DSCAM: variants seen among roughly 807,000 people sequenced by gnomAD.
DSCAM encodes the protein cell adhesion molecule DSCAM.
In DSCAM, 47 loss-of-function variants were observed where a neutral mutation model predicts 217.7. That is an observed-to-expected ratio of 0.22 (90% CI 0.17 to 0.28). The LOEUF is 0.28. Among genes scored for constraint, DSCAM ranks in the 10% least tolerant of loss-of-function variants. The probability of loss-of-function intolerance (pLI) is 1.00; values close to 1 mark genes in which losing one functional copy is unlikely to be tolerated. For missense variants in DSCAM, 2,080 were observed against 2,618.3 expected (o/e 0.79, Z 4.49); for synonymous variants, 1,056 against 1,015.3 (o/e 1.04, Z -0.76).
chr21:40,603,612 A>C (rs1296085132), intron 3 of DSCAM, among the ~76,000 whole-genome samples: 1 of 152,200 alleles, frequency 6.6e-6, no homozygotes, highest in Non-Finnish European at 1.5e-5. Flanking sequence ...TACTGGTAAC[A>C]AATTCCCTCA....
intron 19 of DSCAM, among the ~76,000 whole-genome samples, chr21:40,131,751 C>G (rs2090156578): frequency 6.6e-6 from 1 of 152,198 alleles, no homozygotes; most frequent in South Asian, 2.1e-4. Flanking sequence ...TCCCATACCA[C>G]CAGCAAAAGT....
intron 3 of DSCAM, among the ~76,000 whole-genome samples, chr21:40,578,725 T>C (rs1240358335): frequency 2.0e-5 from 3 of 152,156 alleles, no homozygotes; most frequent in African/African-American, 4.8e-5. Context: ...GCGGCTTCAC[T>C]CCTGAAGTCA....
chr21:40,818,102 CAAAAAAAAA>C (rs35894315), intron 1 of DSCAM, among the ~76,000 whole-genome samples: 1 of 52,246 alleles, frequency 1.9e-5, no homozygotes, highest in Admixed American at 2.8e-4. Context: ...GACTCCGTCT[CAAAAAAAAA>C]AAAAAAAAAA....
chr21:40,789,657 G>A (rs1280706786), intron 1 of DSCAM, among the ~76,000 whole-genome samples: 1 of 150,252 alleles, frequency 6.7e-6, no homozygotes, highest in Non-Finnish European at 1.5e-5. Flanking sequence ...CCGGGTTCAC[G>A]CCATTCTCCT....
intron 3 of DSCAM, among the ~76,000 whole-genome samples, chr21:40,633,747 G>A (rs1238433015): frequency 6.6e-6 from 1 of 152,188 alleles, no homozygotes; most frequent in Non-Finnish European, 1.5e-5. Flanking sequence ...GGGGATGCAT[G>A]GAGTCAAAAC....
chr21:40,356,034 T>A (rs1040960555), intron 4 of DSCAM, among the ~76,000 whole-genome samples: 2 of 152,210 alleles, frequency 1.3e-5, no homozygotes, highest in Admixed American at 6.5e-5. Flanking sequence ...TATGCATGTG[T>A]GTATATGTAT....
intron 3 of DSCAM, among the ~76,000 whole-genome samples, chr21:40,623,492 AC>A (rs1470083027): frequency 6.6e-6 from 1 of 152,256 alleles, no homozygotes; most frequent in Non-Finnish European, 1.5e-5. Flanking sequence ...CCTGGCAGCT[AC>A]ATGCTACTGA....
intron 3 of DSCAM, among the ~76,000 whole-genome samples, chr21:40,370,095 G>A (rs186594693): frequency 6.6e-6 from 1 of 152,192 alleles, no homozygotes; most frequent in East Asian, 1.9e-4. Context: ...GGGCAAAAAT[G>A]TTTTTTTCCC....
intron 11 of DSCAM, among the ~76,000 whole-genome samples, chr21:40,238,160 G>T (rs529727645): frequency 2.5e-4 from 38 of 152,268 alleles, no homozygotes; most frequent in Middle Eastern, 3.4e-3. Flanking sequence ...ATACTCCAAA[G>T]AATCAACTGG....
At chr21:40,683,894 C>A (rs764505987) in intron 3 of DSCAM, among the ~76,000 whole-genome samples, 4 of 151,936 alleles carry the variant, frequency 2.6e-5, no homozygotes, top group Admixed American at 6.5e-5. Flanking sequence ...CAGACGCGGG[C>A]GCAAAAACAC....
At chr21:40,479,180 G>T (rs1165620893) in intron 3 of DSCAM, among the ~76,000 whole-genome samples, 1 of 152,162 alleles carries the variant, frequency 6.6e-6, no homozygotes, top group Non-Finnish European at 1.5e-5. Flanking sequence ...AATTAAATGT[G>T]ATGAAGCCAG....
chr21:40,670,100 C>G (rs1337389153), intron 3 of DSCAM, among the ~76,000 whole-genome samples: 1 of 152,098 alleles, frequency 6.6e-6, no homozygotes, highest in Non-Finnish European at 1.5e-5. Flanking sequence ...TCTTTACTTA[C>G]AAATAAAATC....
chr21:40,519,877 T>C (rs992943921), intron 3 of DSCAM, among the ~76,000 whole-genome samples: 1 of 152,020 alleles, frequency 6.6e-6, no homozygotes, highest in African/African-American at 2.4e-5. Flanking sequence ...TGTGTGTGTG[T>C]GTCCATACAC....
intron 2 of DSCAM, among the ~76,000 whole-genome samples, chr21:40,706,427 ACCTT>A (rs377726188): frequency 1.4e-4 from 21 of 152,172 alleles, no homozygotes; most frequent in African/African-American, 4.3e-4. Flanking sequence ...TGATGAGTAA[ACCTT>A]CCTTCAATTG....
chr21:40,270,714 G>A (rs1264132857), intron 11 of DSCAM, among the ~76,000 whole-genome samples: 2 of 152,070 alleles, frequency 1.3e-5, no homozygotes, highest in East Asian at 1.9e-4. Context: ...AACATGTGGG[G>A]TTAATTCAAG....
At position 40,826,789 on chromosome 21, in the gene DSCAM, C is replaced by T. The variant is rs997970167; in HGVS notation, c.43+19830G>A. The stretch of plus-strand genomic sequence containing the variant: ...ACAGGGAGGAAAATCCAGAAGGCCT[C>T]CTTCAGAGAGTTTAAATGTTGAGAT... On this transcript the variant is annotated intron_variant, in intron 1 of 32. Transcript: ENST00000400454. Among the ~76,000 whole-genome samples, 3 of 152,128 alleles carry T rather than the reference C, an allele frequency of 2.0e-5. No individual in the cohort carries two copies. The East Asian group carries it at 5.8e-4, about 29-fold the overall frequency.
chr21:40,834,409 AAATAATAATAATAATAAAATAATAATAAT>A, intron 1 of DSCAM, among the ~76,000 whole-genome samples: 1 of 130,874 alleles, frequency 7.6e-6, no homozygotes, highest in Admixed American at 8.6e-5. Flanking sequence ...TCTGTCTCCA[AAATAATAATAATAATAAAATAATAATAAT>A]AATAATAATA....
chr21:40,445,457 C>G (rs539148066), intron 3 of DSCAM, among the ~76,000 whole-genome samples: 1 of 152,324 alleles, frequency 6.6e-6, no homozygotes, highest in South Asian at 2.1e-4. Context: ...TTCCAAATCT[C>G]AGATTGGCAG....
chr21:40,295,615 A>G (rs1402338361), intron 10 of DSCAM, among the ~76,000 whole-genome samples: 2 of 152,194 alleles, frequency 1.3e-5, no homozygotes, highest in African/African-American at 4.8e-5. Flanking sequence ...AAAACAATCA[A>G]TGATATTATC....
Sources: allele counts gnomAD v4.1 joint callset (sites outside exome capture counted in the v4.1 genomes callset), GRCh38; gene constraint gnomAD v4.1.1; transcripts MANE v1.5; gene names NCBI Gene and HGNC (gene_info 2026-07-23, HGNC 2026-07-21).